Variants in HECW1 observed in about 807,000 individuals in gnomAD.
The protein encoded by HECW1 is HECT, C2 and WW domain containing E3 ubiquitin protein ligase 1, also known as E3 ubiquitin-protein ligase HECW1.
A neutral mutation model predicts 182.3 loss-of-function variants in HECW1; 61 were observed. The observed-to-expected ratio is 0.33, with a 90% CI of 0.27 to 0.41. The LOEUF (loss-of-function observed/expected upper bound fraction) is 0.41, where lower values mean the gene tolerates loss of function less well. Ranked by LOEUF, HECW1 falls within the 10% of genes least tolerant of loss-of-function variation. The probability of loss-of-function intolerance (pLI) is 1.00; values close to 1 mark genes in which losing one functional copy is unlikely to be tolerated. For synonymous variants in HECW1, 859 were observed against 832.6 expected (o/e 1.03, Z -0.55); for missense variants, 1,739 against 2,108.9 (o/e 0.82, Z 3.44).
rs879647075 is a variant in HECW1 at position 43,467,983 on chromosome 7, C to T, written c.2914-937C>T. Among the ~76,000 whole-genome samples, 40 of 151,988 alleles carry T rather than the reference C, an allele frequency of 2.6e-4. 1 individual carries two copies. Among genetic ancestry groups the T allele is most frequent in the Non-Finnish European group, 4.1e-4 (28 of 67,980 alleles). On this transcript the variant is annotated intron_variant, in intron 15 of 29. Transcript: ENST00000395891. ...GGTGTTGTGGGGACCACAGGGAGAA[C>T]GCGCATGGCACATGGCCATGCCCCA...
Position 43,511,157 on chromosome 7 carries a change from G to A in HECW1, c.4019+2036G>A, listed in dbSNP as rs573832263. 15 of 152,344 alleles carry A rather than the reference G, an allele frequency of 9.8e-5. 1 individual carries two copies. Among genetic ancestry groups the A allele is most frequent in the African/African-American group, 3.4e-4 (14 of 41,586 alleles). The allele number at this position is 152,344 out of a possible 1,614,324, so 9.4% of individuals were successfully genotyped here. On this transcript the variant is annotated intron_variant, in intron 24 of 29. Transcript: ENST00000395891. ...TGAGGGCTTGACAGTGCCTGTCCTC[G>A]AAATGCAGGTTAACCGCTGTGTCCT...
At chr7:43,289,106 CTT>C (rs61444685) in intron 3 of HECW1, among the ~76,000 whole-genome samples, 24 of 141,484 alleles carry the variant, frequency 1.7e-4, no homozygotes, top group Non-Finnish European at 1.5e-4. Flanking sequence ...TTTCTCTTTT[CTT>C]TTTTTTTTTT....
chr7:43,305,637 C>G (rs1212753532), intron 3 of HECW1, among the ~76,000 whole-genome samples: 1 of 151,986 alleles, frequency 6.6e-6, no homozygotes, highest in East Asian at 1.9e-4. Context: ...GGGACAGAGT[C>G]TCATTCTGTC....
chr7:43,421,327 A>G (rs2076175536), intron 8 of HECW1, among the ~76,000 whole-genome samples: 2 of 152,254 alleles, frequency 1.3e-5, no homozygotes, highest in South Asian at 4.1e-4. Context: ...TTATAACAAT[A>G]AAGCTTCTAA....
intron 2 of HECW1, among the ~76,000 whole-genome samples, chr7:43,117,190 A>T (rs1785121042): frequency 6.6e-6 from 1 of 152,202 alleles, no homozygotes; most frequent in African/African-American, 2.4e-5. Context: ...AGTGTTTAGA[A>T]TTTGGGGGTT....
At chr7:43,457,156 G>A (rs1252149705) in intron 13 of HECW1, among the ~76,000 whole-genome samples, 1 of 152,144 alleles carries the variant, frequency 6.6e-6, no homozygotes, top group Non-Finnish European at 1.5e-5. Flanking sequence ...CTTAAACAGT[G>A]GTCCATTCAT....
At chr7:43,419,664 A>G (rs2152856007) in intron 8 of HECW1, among the ~76,000 whole-genome samples, 1 of 152,360 alleles carries the variant, frequency 6.6e-6, no homozygotes, top group African/African-American at 2.4e-5. Flanking sequence ...ATATTCATTT[A>G]TGATTTTCAA....
At chr7:43,384,005 TGAGGAGGAGGAG>T (rs781072561) in intron 6 of HECW1, among the ~76,000 whole-genome samples, 1 of 152,036 alleles carries the variant, frequency 6.6e-6, no homozygotes, top group Non-Finnish European at 1.5e-5. Context: ...TTGAGTAGAC[TGAGGAGGAGGAG>T]GAGGAAGAGG....
At chr7:43,138,840 A>C (rs905154999) in intron 2 of HECW1, among the ~76,000 whole-genome samples, 2 of 152,196 alleles carry the variant, frequency 1.3e-5, no homozygotes, top group African/African-American at 4.8e-5. Context: ...TTTAAATGTC[A>C]GATAAAGAGG....
In HECW1 at chr7:43,219,213, G is replaced by A. The variant is rs182354202; in HGVS notation, c.-31-24662G>A. On this transcript the variant is annotated intron_variant, in intron 2 of 29. Transcript: ENST00000395891. ...GGCAAGGGCAAGAGGACAACAGTGG[G>A]AATCGCCATGTTGGGTGGACCCAGT... 3.9e-3 allele frequency among the ~76,000 whole-genome samples: 593 copies of A among 152,238 alleles called. 2 individuals are homozygous for A. Among genetic ancestry groups the A allele is most frequent in the Non-Finnish European group, 6.9e-3 (466 of 68,024 alleles).
At chr7:43,186,109 T>G (rs1793374304) in intron 2 of HECW1, among the ~76,000 whole-genome samples, 2 of 152,186 alleles carry the variant, frequency 1.3e-5, no homozygotes, top group African/African-American at 4.8e-5. Flanking sequence ...GTCATAGAGC[T>G]TCTTTGGGAA....
chr7:43,207,940 T>C (rs917082020), intron 2 of HECW1: 1 of 152,238 alleles, frequency 6.6e-6, no homozygotes, highest in Admixed American at 6.5e-5. Flanking sequence ...TGCAGATTTG[T>C]TAAGCTGTAC....
intron 8 of HECW1, among the ~76,000 whole-genome samples, chr7:43,408,792 G>A (rs2075698902): frequency 6.6e-6 from 1 of 152,182 alleles, no homozygotes; most frequent in Admixed American, 6.5e-5. Flanking sequence ...GGGGAGGGGA[G>A]GCCTAGGTCA....
intron 2 of HECW1, among the ~76,000 whole-genome samples, chr7:43,218,769 T>C (rs1165747112): frequency 1.3e-5 from 2 of 152,072 alleles, no homozygotes; most frequent in Non-Finnish European, 2.9e-5. Context: ...TTGGAAGGTG[T>C]ATAGAGAAAG....
At chr7:43,213,124 AC>A (rs894712232) in intron 2 of HECW1, among the ~76,000 whole-genome samples, 8 of 152,000 alleles carry the variant, frequency 5.3e-5, no homozygotes, top group African/African-American at 1.9e-4. Flanking sequence ...ATTCTCCATC[AC>A]CTGATAAGGC....
chr7:43,411,045 AT>A (rs35153636), intron 8 of HECW1, among the ~76,000 whole-genome samples: 20,717 of 141,426 alleles, frequency 0.15, 1,697 homozygotes, highest in Middle Eastern at 0.22. Context: ...ATTGCCTTCT[AT>A]TTTTTTTTTT....
intron 13 of HECW1, among the ~76,000 whole-genome samples, chr7:43,460,793 G>A (rs1396634047): frequency 6.6e-6 from 1 of 152,172 alleles, no homozygotes; most frequent in Non-Finnish European, 1.5e-5. Flanking sequence ...CCCTCCTCAA[G>A]TCACTGCATG....
At chr7:43,502,384 CA>C (rs1432479786) in intron 21 of HECW1, among the ~76,000 whole-genome samples, 1 of 152,198 alleles carries the variant, frequency 6.6e-6, no homozygotes, top group Non-Finnish European at 1.5e-5. Flanking sequence ...TCGCCAGACA[CA>C]ATGGCTAACC....
Position 43,442,562 on chromosome 7 carries a change from G to C in HECW1, c.978G>C (p.Arg326Ser). The stretch of plus-strand genomic sequence containing the variant: ...TGGTCAGCTACACACTTGGCCGCAG[G>C]CTTCCAACAGATCATGTGAGTGGAC... ...DRVVSYTLGR[R>S]LPTDHVSGQL... The change falls in exon 10 of 30, where the codon AGG (arginine) becomes AGC (serine). Residue 326 changes from arginine (R) to serine (S), a missense_variant. Arg to Ser is a moderately radical substitution (Grantham distance 110). Transcript: ENST00000395891. 2 of 1,613,906 alleles carry C rather than the reference G, an allele frequency of 1.2e-6. No individual in the cohort carries two copies. The highest frequency in any genetic ancestry group is 1.7e-6 in the Non-Finnish European group (2 of 1,179,864).
Sources: gnomAD v4.1 joint callset for allele counts (sites outside exome capture counted in the v4.1 genomes callset) on GRCh38, gnomAD v4.1.1 for gene constraint, MANE v1.5 for transcripts, NCBI Gene and HGNC (gene_info 2026-07-23, HGNC 2026-07-21) for gene names.